Variants in REEP3 observed in about 807,000 individuals in gnomAD.
REEP3 encodes receptor expression-enhancing protein 3.
REEP3 carries 20 observed loss-of-function variants against 41.3 expected under a neutral mutation model. The ratio of observed to expected loss-of-function variants is 0.48; its 90% CI spans 0.34 to 0.70. REEP3 has a LOEUF of 0.70. REEP3 is among the 30% of genes least tolerant of loss of function. The pLI is 0.01. For missense variants in REEP3, 271 were observed against 308.8 expected, an observed-to-expected ratio of 0.88 and a Z score of 0.92; for synonymous variants, 104 against 101.8, an observed-to-expected ratio of 1.02 and a Z score of -0.13.
chr10:63,621,544 T>C lies in REEP3; in HGVS notation c.*675T>C, dbSNP rs1564494604. On this transcript the variant is annotated 3_prime_UTR_variant, in exon 8 of 8. Transcript: ENST00000373758. ...GCCGTATTCTGACATGTCAAATCTA[T>C]GCCTTGAATTATATCATCTCTTTTC... 1 of 152,652 alleles carries C rather than the reference T, an allele frequency of 6.6e-6. No homozygotes were observed. The highest frequency in any genetic ancestry group is 2.4e-5 in the African/African-American group (1 of 41,474). The allele number at this position is 152,652 out of a possible 1,614,324, so 9.5% of individuals were successfully genotyped here.
chr10:63,578,736 C>T (rs1955920240), intron 2 of REEP3, among the ~76,000 whole-genome samples: 1 of 152,116 alleles, frequency 6.6e-6, no homozygotes, highest in Non-Finnish European at 1.5e-5. Context: ...AAGATCATGC[C>T]ACTGCACTCC....
intron 2 of REEP3, among the ~76,000 whole-genome samples, chr10:63,582,702 C>T (rs1455779035): frequency 6.6e-6 from 1 of 152,072 alleles, no homozygotes; most frequent in African/African-American, 2.4e-5. Flanking sequence ...CAAATGTCTC[C>T]GTCAGTGAAG....
intron 2 of REEP3, among the ~76,000 whole-genome samples, chr10:63,582,997 T>C (rs1955968969): frequency 6.6e-6 from 1 of 152,178 alleles, no homozygotes; most frequent in African/African-American, 2.4e-5. Context: ...TTTTTCTTTT[T>C]TGTTTTGAGA....
In REEP3 at chr10:63,566,365, A is replaced by G; in HGVS notation, c.60A>G (p.Ala20=). The G allele has an allele frequency of 1.9e-6, 3 of 1,553,050 alleles. No homozygotes were observed. The highest frequency in any genetic ancestry group is 2.6e-6 in the Non-Finnish European group (3 of 1,145,186). ...TGGTGTTTGGAATGCTTTATCCTGCATATTATTCATACAAAGCTGTGAAAA... is the reference window on the plus strand; with the variant it reads ...TGGTGTTTGGAATGCTTTATCCTGCGTATTATTCATACAAAGCTGTGAAAA... ...VVLVFGMLYP[A]YYSYKAVKTK... is the part of the protein sequence containing the mutation. The change falls in exon 2 of 8, where the codon GCA becomes GCG. Residue 20 remains alanine (A), a synonymous_variant. Coordinates refer to ENST00000373758, the MANE Select transcript of REEP3 (RefSeq NM_001001330.3).
At chr10:63,608,559 G>A (rs899877904) in intron 5 of REEP3, among the ~76,000 whole-genome samples, 1 of 152,066 alleles carries the variant, frequency 6.6e-6, no homozygotes, top group African/African-American at 2.4e-5. Context: ...TGTAACTAGA[G>A]GAAATCATAA....
intron 1 of REEP3, among the ~76,000 whole-genome samples, chr10:63,524,466 C>G (rs1355884183): frequency 6.6e-6 from 1 of 151,790 alleles, no homozygotes; most frequent in African/African-American, 2.4e-5. Flanking sequence ...GAGACAGAGT[C>G]TCTCTCTGTC....
rs543620523 is a variant in REEP3, at chr10:63,621,780, T to G, written c.*911T>G. ...TTTTCAGCTTTTAAAAATGGTAGCT[T>G]TTGTGAAATAGAATCAGTGACCAGT... On this transcript the variant is annotated 3_prime_UTR_variant, in exon 8 of 8. Transcript: ENST00000373758. The G allele has an allele frequency of 3.3e-5, 5 of 152,326 alleles. No homozygotes were observed. The South Asian group carries it at 1.0e-3, about 32-fold the overall frequency. 9.4% of individuals were successfully genotyped at this position (152,326 alleles called of 1,614,324 possible). A position where few individuals can be genotyped will look rare whatever the true frequency, so the allele number is the denominator to read the frequency against.
At chr10:63,598,356 T>C (rs1956137104) in intron 4 of REEP3, among the ~76,000 whole-genome samples, 2 of 151,058 alleles carry the variant, frequency 1.3e-5, no homozygotes. Context: ...TGGTGGTGCA[T>C]GCCTGTAACC....
chr10:63,620,868 A>G lies in REEP3; in HGVS notation c.767A>G (p.Ter256TrpextTer13), dbSNP rs915809786. The G allele has an allele frequency of 6.2e-7, 1 of 1,600,144 alleles. No individual in the cohort carries two copies. The highest frequency in any genetic ancestry group is 8.6e-7 in the Non-Finnish European group (1 of 1,168,922). Residue 256 changes from the stop codon to tryptophan (W), a stop_lost, in exon 8 of 8, where the codon TAG becomes TGG. Transcript: ENST00000373758. ...AAGAAACGACCACAAGTGTATTTTTAGTCATCTACACGTCAAATATCCCAA... is the reference window on the plus strand; with the variant it reads ...AAGAAACGACCACAAGTGTATTTTTGGTCATCTACACGTCAAATATCCCAA... The part of the protein sequence containing the change: ...KVKKRPQVYF[*>W]
intron 1 of REEP3, among the ~76,000 whole-genome samples, chr10:63,544,541 G>A (rs1271778034): frequency 6.6e-6 from 1 of 152,160 alleles, no homozygotes; most frequent in Admixed American, 6.6e-5. Context: ...TCCTTGAGTG[G>A]GAGGTGTCAA....
chr10:63,609,074 A>C (rs1401255750), intron 5 of REEP3, among the ~76,000 whole-genome samples: 1 of 152,172 alleles, frequency 6.6e-6, no homozygotes, highest in African/African-American at 2.4e-5. Context: ...TGGCTCTTAC[A>C]TGTTTCTAAC....
Position 63,599,269 on chromosome 10 carries a change from A to C in REEP3, c.403A>C (p.Thr135Pro). The C allele has an allele frequency of 6.7e-7, 1 of 1,489,954 alleles. No homozygotes were observed. The highest frequency in any genetic ancestry group is 9.1e-7 in the Non-Finnish European group (1 of 1,100,264). The allele number at this position is 1,489,954 out of a possible 1,614,324, so 92.3% of individuals were successfully genotyped here. The change falls in exon 5 of 8, where the codon ACT (threonine) becomes CCT (proline). Residue 135 changes from threonine to proline, a missense_variant. Transcript: ENST00000373758. ...GLNLAATAAV[T>P]AAVKSQGAIT... The stretch of plus-strand genomic sequence containing the variant: ...AAACCTTGCAGCTACTGCTGCTGTT[A>C]CTGCAGCAGTAAAGGTAATTGTTCA...
At chr10:63,583,248 C>G (rs1324948645) in intron 2 of REEP3, among the ~76,000 whole-genome samples, 1 of 152,184 alleles carries the variant, frequency 6.6e-6, no homozygotes, top group African/African-American at 2.4e-5. Flanking sequence ...ACCTCAGCCT[C>G]CCAAAGTGCT....
chr10:63,606,293 T>TTTCTTTCTTTC (rs1369963858), intron 5 of REEP3, among the ~76,000 whole-genome samples: 17 of 73,576 alleles, frequency 2.3e-4, no homozygotes, highest in East Asian at 8.2e-4. Flanking sequence ...TTCTTTCCTT[T>TTTCTTTCTTTC]CTTTCTTTCT....
At chr10:63,570,336 TAGTG>T (rs1440208723) in intron 2 of REEP3, among the ~76,000 whole-genome samples, 1 of 152,240 alleles carries the variant, frequency 6.6e-6, no homozygotes, top group Non-Finnish European at 1.5e-5. Flanking sequence ...TTTAGTTACA[TAGTG>T]AGCATACATA....
intron 5 of REEP3, among the ~76,000 whole-genome samples, chr10:63,600,415 T>G (rs1274883984): frequency 2.0e-5 from 3 of 152,208 alleles, no homozygotes; most frequent in Non-Finnish European, 4.4e-5. Context: ...TTAATGATTA[T>G]TAATGGTCAG....
intron 5 of REEP3, among the ~76,000 whole-genome samples, chr10:63,603,292 G>A (rs1337002393): frequency 9.1e-6 from 1 of 110,084 alleles, no homozygotes; most frequent in Non-Finnish European, 1.7e-5. Flanking sequence ...CAGCCTGGGT[G>A]AGAGTGCAAG....
intron 2 of REEP3, among the ~76,000 whole-genome samples, chr10:63,570,542 C>T (rs1042113574): frequency 1.3e-5 from 2 of 151,942 alleles, no homozygotes; most frequent in African/African-American, 2.4e-5. Context: ...CTTTCATCAC[C>T]CAGGTATTAA....
chr10:63,619,904 A>T, intron 7 of REEP3, 104 bp downstream of exon 7: 4 of 565,748 alleles, frequency 7.1e-6, no homozygotes, highest in South Asian at 3.6e-5. Context: ...TTGGAATGGT[A>T]GAACAGCAGT....
Sources: allele counts gnomAD v4.1 joint callset (sites outside exome capture counted in the v4.1 genomes callset), GRCh38; gene constraint gnomAD v4.1.1; transcripts MANE v1.5; gene names NCBI Gene and HGNC (gene_info 2026-07-23, HGNC 2026-07-21).